The following MARCHF3 variants were observed in gnomAD, a reference collection of about 807,000 sequenced individuals.
MARCHF3 encodes membrane associated ring-CH-type finger 3.
A neutral mutation model predicts 24.2 loss-of-function variants in MARCHF3; 13 were observed. That is an observed-to-expected ratio of 0.54 (90% CI 0.35 to 0.85). The LOEUF is 0.85. MARCHF3 is among the 40% of genes least tolerant of loss of function. The probability of loss-of-function intolerance (pLI) is 0.01; values close to 1 mark genes in which losing one functional copy is unlikely to be tolerated. For missense variants in MARCHF3, 276 were observed against 325.0 expected, an observed-to-expected ratio of 0.85 and a Z score of 1.16; for synonymous variants, 144 against 137.3, an observed-to-expected ratio of 1.05 and a Z score of -0.34.
At chr5:126,878,970 A>G (rs1051786120) in intron 3 of MARCHF3, among the ~76,000 whole-genome samples, 6 of 152,172 alleles carry the variant, frequency 3.9e-5, no homozygotes, top group Admixed American at 6.5e-5. Flanking sequence ...TATGCCAACA[A>G]TGTGATTTAT....
chr5:126,876,462 T>A (rs1753161183), intron 4 of MARCHF3, among the ~76,000 whole-genome samples: 1 of 152,186 alleles, frequency 6.6e-6, no homozygotes, highest in South Asian at 2.1e-4. Flanking sequence ...TATTTCCACT[T>A]GACAGATGAG....
intron 1 of MARCHF3, among the ~76,000 whole-genome samples, chr5:126,976,990 C>T (rs1751222668): frequency 6.6e-6 from 1 of 152,236 alleles, no homozygotes; most frequent in Non-Finnish European, 1.5e-5. Flanking sequence ...AGAGGTGATG[C>T]CTGCTCTTAA....
intron 1 of MARCHF3, among the ~76,000 whole-genome samples, chr5:126,938,165 C>CTTTTTT (rs527628656): frequency 3.1e-4 from 38 of 122,880 alleles, no homozygotes; most frequent in Non-Finnish European, 4.1e-4. Flanking sequence ...TGATCTGATT[C>CTTTTTT]TTTTTTTTTT....
intron 1 of MARCHF3, among the ~76,000 whole-genome samples, chr5:126,982,987 C>T (rs1390945154): frequency 3.3e-5 from 5 of 152,192 alleles, no homozygotes; most frequent in Admixed American, 2.0e-4. Flanking sequence ...CATAGGTGCA[C>T]AGCTGGGCCC....
rs1441949871 is a variant in MARCHF3, at chr5:126,906,060, T to A, written c.393+8870A>T. ...AATTTTGTCAAAGGCCTTTTCTGCA[T>A]CTATTGAGATAATCATGTGGTTTTT... On this transcript the variant is annotated intron_variant, in intron 3 of 4. Coordinates refer to ENST00000308660, the MANE Select transcript of MARCHF3 (RefSeq NM_178450.5). Among the ~76,000 whole-genome samples the A allele has an allele frequency of 4.0e-5, 6 of 151,638 alleles. No individual in the cohort carries two copies. The East Asian group carries it at 1.2e-3, about 29-fold the overall frequency.
chr5:126,985,290 T>A lies in MARCHF3; in HGVS notation c.-57+45060A>T, dbSNP rs78134938. Among the ~76,000 whole-genome samples, 1,193 of 152,270 alleles carry A rather than the reference T, an allele frequency of 7.8e-3. 10 individuals carry two copies. Among genetic ancestry groups the A allele is most frequent in the African/African-American group, 0.028 (1,143 of 41,528 alleles). On this transcript the variant is annotated intron_variant, in intron 1 of 4. Coordinates refer to ENST00000308660, the MANE Select transcript of MARCHF3 (RefSeq NM_178450.5). ...TTTTCTAAAACAGAGGCATTATTAC[T>A]TTTCATCTGGTCATTTAATTAAACC... is the stretch of plus-strand genomic sequence containing the variant.
chr5:126,872,587 A>G (rs1350800871), intron 4 of MARCHF3, among the ~76,000 whole-genome samples: 2 of 152,038 alleles, frequency 1.3e-5, no homozygotes, highest in Non-Finnish European at 2.9e-5. Context: ...CTAAAGGTCT[A>G]TGGTGGTCAG....
intron 4 of MARCHF3, among the ~76,000 whole-genome samples, chr5:126,876,797 G>A (rs894960325): frequency 3.9e-5 from 6 of 152,068 alleles, no homozygotes; most frequent in Admixed American, 3.3e-4. Flanking sequence ...TTACAGACAT[G>A]CACCACGATG....
intron 3 of MARCHF3, among the ~76,000 whole-genome samples, chr5:126,897,096 A>G (rs149664028): frequency 0.032 from 4,272 of 133,644 alleles, 206 homozygotes; most frequent in African/African-American, 0.12. Flanking sequence ...CTGGAGTGCA[A>G]TGGCACAATC....
chr5:126,878,384 T>G lies in MARCHF3; in HGVS notation c.404A>C (p.Asn135Thr). Residue 135 changes from asparagine to threonine, a missense_variant, in exon 4 of 5, where the codon AAC becomes ACC. Coordinates refer to ENST00000308660, the MANE Select transcript of MARCHF3 (RefSeq NM_178450.5). Reference protein sequence around the residue: ...KPRPLVEWLRNPGPQHEKRTL... With the variant: ...KPRPLVEWLRTPGPQHEKRTL... ...CCGCTTCTCATGCTGGGGGCCAGGG[T>G]TTCTCAGCCACTGCCAGGTAAAGGG... 2 of 1,612,424 alleles carry G rather than the reference T, an allele frequency of 1.2e-6. No homozygotes were observed. Among genetic ancestry groups the G allele is most frequent in the Non-Finnish European group, 1.7e-6 (2 of 1,179,236 alleles).
At chr5:126,963,465 C>A (rs760645120) in intron 1 of MARCHF3, among the ~76,000 whole-genome samples, 3 of 151,970 alleles carry the variant, frequency 2.0e-5, no homozygotes, top group Non-Finnish European at 4.4e-5. Flanking sequence ...ATCATTAAAA[C>A]GTTAGTGTTA....
chr5:126,951,556 T>A (rs759858927), intron 1 of MARCHF3, among the ~76,000 whole-genome samples: 1 of 152,246 alleles, frequency 6.6e-6, no homozygotes, highest in Non-Finnish European at 1.5e-5. Context: ...GTCAGCGGCA[T>A]CTCCATCCTT....
intron 1 of MARCHF3, among the ~76,000 whole-genome samples, chr5:126,976,020 G>A (rs1227626864): frequency 2.0e-5 from 3 of 152,048 alleles, no homozygotes; most frequent in Non-Finnish European, 4.4e-5. Flanking sequence ...CCAGGGTGAT[G>A]TGCAAAAAAG....
chr5:126,979,735 G>C (rs1200180404), intron 1 of MARCHF3, among the ~76,000 whole-genome samples: 1 of 152,102 alleles, frequency 6.6e-6, no homozygotes, highest in African/African-American at 2.4e-5. Context: ...GATCACCTGA[G>C]ATCAGGAGTT....
intron 3 of MARCHF3, among the ~76,000 whole-genome samples, chr5:126,913,362 C>A (rs1311548999): frequency 6.6e-6 from 1 of 152,236 alleles, no homozygotes; most frequent in Non-Finnish European, 1.5e-5. Context: ...GGAGGTTCCA[C>A]AAAGTTTCTG....
At chr5:126,986,744 A>T (rs1751579735) in intron 1 of MARCHF3, among the ~76,000 whole-genome samples, 1 of 152,204 alleles carries the variant, frequency 6.6e-6, no homozygotes. Flanking sequence ...ACCTTCGTTG[A>T]CATGCCAGTG....
chr5:126,870,909 AGGGCAAGAACCCT>A (rs1752945032), intron 4 of MARCHF3, 118 bp from the exon 5 acceptor site: 1 of 1,385,482 alleles, frequency 7.2e-7, no homozygotes, highest in Non-Finnish European at 9.7e-7. Context: ...GCACTATGGC[AGGGCAAGAACCCT>A]GGGAAAATGG....
chr5:126,918,026 C>T lies in MARCHF3; in HGVS notation c.146G>A (p.Gly49Glu). The change falls in exon 2 of 5, where the codon GGG becomes GAG. Residue 49 changes from glycine (G) to glutamate (E), a missense_variant. Gly to Glu is a moderately conservative substitution (Grantham distance 98). Coordinates refer to ENST00000308660, the MANE Select transcript of MARCHF3 (RefSeq NM_178450.5). ...CCGCACTACTGTTGACAGCAGCTGCCCGTCCTTGGCTGAAACTTGCATGAC... is the reference window on the plus strand; with the variant it reads ...CCGCACTACTGTTGACAGCAGCTGCTCGTCCTTGGCTGAAACTTGCATGAC... ...QYVMQVSAKDGQLLSTVVRTL... is the reference protein window; with the variant it reads ...QYVMQVSAKDEQLLSTVVRTL... 1 of 1,614,144 alleles carries T rather than the reference C, an allele frequency of 6.2e-7. No individual in the cohort carries two copies. Among genetic ancestry groups the T allele is most frequent in the South Asian group, 1.1e-5 (1 of 91,078 alleles).
At chr5:126,884,788 GGCAATAGCCTCCCT>G (rs1197265629) in intron 3 of MARCHF3, among the ~76,000 whole-genome samples, 8 of 152,192 alleles carry the variant, frequency 5.3e-5, no homozygotes, top group African/African-American at 1.9e-4. Context: ...CTACTTGGGA[GGCAATAGCCTCCCT>G]GCTTCCACTC....
Sources: gnomAD v4.1 joint callset for allele counts (sites outside exome capture counted in the v4.1 genomes callset) on GRCh38, gnomAD v4.1.1 for gene constraint, MANE v1.5 for transcripts, NCBI Gene and HGNC (gene_info 2026-07-23, HGNC 2026-07-21) for gene names.